Variants in MAST4 observed in about 807,000 individuals in gnomAD.
MAST4 encodes the protein microtubule-associated serine/threonine-protein kinase 4.
A neutral mutation model predicts 162.7 loss-of-function variants in MAST4; 89 were observed. The observed-to-expected ratio is 0.55, with a 90% CI of 0.46 to 0.65. The LOEUF is 0.65. Among genes scored for constraint, MAST4 ranks in the 30% least tolerant of loss-of-function variants. The pLI, the probability that MAST4 is intolerant of heterozygous loss-of-function variation, is 0.00. For synonymous variants in MAST4, 1,479 were observed against 1,361.1 expected (o/e 1.09, Z -1.91); for missense variants, 3,153 against 3,374.0 (o/e 0.93, Z 1.62).
At chr5:66,799,860 G>A (rs748341329) in intron 3 of MAST4, among the ~76,000 whole-genome samples, 1 of 152,174 alleles carries the variant, frequency 6.6e-6, no homozygotes, top group African/African-American at 2.4e-5. Flanking sequence ...CCTTGACCAA[G>A]GAACATAACC....
In MAST4 at chr5:67,166,208, C is replaced by T; in HGVS notation, c.7029C>T (p.Pro2343=). The T allele has an allele frequency of 1.9e-6, 3 of 1,552,926 alleles. No individual in the cohort carries two copies. The highest frequency in any genetic ancestry group is 2.6e-6 in the Non-Finnish European group (3 of 1,147,532). Residue 2343 remains proline, a synonymous_variant, in exon 29 of 29, where the codon CCC becomes CCT. Coordinates refer to ENST00000403625, the MANE Select transcript of MAST4 (RefSeq NM_001164664.2). ...HPKPSTVKDC[P]TLCKQTDNRQ... ...AACCATCCACTGTGAAAGATTGCCC[C>T]ACCCTGTGCAAACAGACAGACAACA...
chr5:66,812,571 C>T (rs1364372533), intron 3 of MAST4, among the ~76,000 whole-genome samples: 5 of 152,146 alleles, frequency 3.3e-5, no homozygotes, highest in African/African-American at 9.7e-5. Flanking sequence ...ACATTAATAG[C>T]GTAATCTACA....
chr5:66,752,839 T>C (rs13168917), intron 1 of MAST4, among the ~76,000 whole-genome samples: 1,850 of 152,076 alleles, frequency 0.012, 9 homozygotes, highest in Middle Eastern at 0.027. Context: ...CAACAGAATA[T>C]ACATTTTTTT....
chr5:66,847,713 T>G (rs1367626807), intron 3 of MAST4, among the ~76,000 whole-genome samples: 1 of 144,658 alleles, frequency 6.9e-6, no homozygotes, highest in Non-Finnish European at 1.5e-5. Flanking sequence ...CCCAGCTACT[T>G]GGGAGGCTGA....
At chr5:67,098,312 G>C (rs1426661978) in intron 7 of MAST4, among the ~76,000 whole-genome samples, 1 of 152,142 alleles carries the variant, frequency 6.6e-6, no homozygotes, top group Non-Finnish European at 1.5e-5. Flanking sequence ...TCATCCCAGA[G>C]AATATTCAGT....
At chr5:67,050,660 A>G (rs949046350) in intron 4 of MAST4, among the ~76,000 whole-genome samples, 1 of 152,142 alleles carries the variant, frequency 6.6e-6, no homozygotes, top group Non-Finnish European at 1.5e-5. Context: ...GTCCTAATCC[A>G]TTGTTTATGC....
chr5:66,788,254 T>G (rs1375996329), intron 2 of MAST4, among the ~76,000 whole-genome samples: 1 of 152,206 alleles, frequency 6.6e-6, no homozygotes, highest in Non-Finnish European at 1.5e-5. Context: ...GATCTCCACT[T>G]TGTAGATTAT....
intron 3 of MAST4, among the ~76,000 whole-genome samples, chr5:66,829,876 T>C (rs1191070267): frequency 1.3e-5 from 2 of 152,010 alleles, no homozygotes; most frequent in Non-Finnish European, 2.9e-5. Context: ...ACGAAAGGAT[T>C]ATTTGCAGCT....
At chr5:66,837,804 T>A (rs1353664977) in intron 3 of MAST4, among the ~76,000 whole-genome samples, 32 of 148,854 alleles carry the variant, frequency 2.1e-4, no homozygotes, top group Non-Finnish European at 4.0e-4. Flanking sequence ...TTTGACAGCC[T>A]TTAAAATGTA....
chr5:67,093,504 C>T, intron 6 of MAST4: 1 of 338,844 alleles, frequency 3.0e-6, no homozygotes, highest in Non-Finnish European at 6.1e-6. Flanking sequence ...CCTTTGTGCT[C>T]CATTTGAGTA....
intron 3 of MAST4, among the ~76,000 whole-genome samples, chr5:66,808,820 C>A (rs1457258584): frequency 6.6e-6 from 1 of 152,218 alleles, no homozygotes; most frequent in Non-Finnish European, 1.5e-5. Flanking sequence ...TAAACAAAAT[C>A]TGGAGCAGCT....
At chr5:66,611,964 A>G (rs1256469326) in intron 1 of MAST4, among the ~76,000 whole-genome samples, 1 of 152,240 alleles carries the variant, frequency 6.6e-6, no homozygotes, top group Non-Finnish European at 1.5e-5. Flanking sequence ...TGTAATACAG[A>G]TTAATAACTT....
At chr5:67,014,122 A>AT (rs766353443) in intron 4 of MAST4, among the ~76,000 whole-genome samples, 27 of 151,706 alleles carry the variant, frequency 1.8e-4, no homozygotes, top group Non-Finnish European at 3.5e-4. Context: ...GTAAGGACTG[A>AT]TTTTATCTAC....
At chr5:66,804,690 T>C (rs1323485677) in intron 3 of MAST4, among the ~76,000 whole-genome samples, 1 of 152,192 alleles carries the variant, frequency 6.6e-6, no homozygotes, top group African/African-American at 2.4e-5. Flanking sequence ...ACCATTTTTT[T>C]TCTCATCTCT....
chr5:66,861,953 G>A (rs1351194997), intron 3 of MAST4, among the ~76,000 whole-genome samples: 2 of 152,182 alleles, frequency 1.3e-5, no homozygotes, highest in African/African-American at 4.8e-5. Flanking sequence ...ATAGGAACCT[G>A]TGTGGTAAGA....
At chr5:67,023,270 A>C (rs571524121) in intron 4 of MAST4, among the ~76,000 whole-genome samples, 1 of 152,192 alleles carries the variant, frequency 6.6e-6, no homozygotes, top group Non-Finnish European at 1.5e-5. Context: ...AGAGATAGTG[A>C]GATAAAGGAA....
intron 4 of MAST4, among the ~76,000 whole-genome samples, chr5:66,981,520 CG>C (rs1748836680): frequency 6.6e-6 from 1 of 152,114 alleles, no homozygotes; most frequent in Admixed American, 6.5e-5. Flanking sequence ...GCAGCACCTG[CG>C]CCAGGGATTT....
chr5:66,864,237 T>C (rs1760325893), intron 3 of MAST4, among the ~76,000 whole-genome samples: 1 of 152,206 alleles, frequency 6.6e-6, no homozygotes, highest in African/African-American at 2.4e-5. Context: ...GGAGCATCCC[T>C]CTTTTAGAGG....
At chr5:66,799,051 A>G (rs1282603975) in intron 3 of MAST4, among the ~76,000 whole-genome samples, 1 of 152,146 alleles carries the variant, frequency 6.6e-6, no homozygotes, top group African/African-American at 2.4e-5. Context: ...GGACACATTC[A>G]TCTCCTTGAC....
Sources: gnomAD v4.1 joint callset for allele counts (sites outside exome capture counted in the v4.1 genomes callset) on GRCh38, gnomAD v4.1.1 for gene constraint, MANE v1.5 for transcripts, NCBI Gene and HGNC (gene_info 2026-07-23, HGNC 2026-07-21) for gene names.